The following CAV1 variants were observed in gnomAD, a reference collection of about 807,000 sequenced individuals.
CAV1 encodes caveolin-1.
A neutral mutation model predicts 16.5 loss-of-function variants in CAV1; 10 were observed. The ratio of observed to expected loss-of-function variants is 0.61; its 90% CI spans 0.37 to 1.03. The LOEUF is 1.03. CAV1 is among the 50% of genes least tolerant of loss of function. The probability of loss-of-function intolerance (pLI) is 0.01; values close to 1 mark genes in which losing one functional copy is unlikely to be tolerated. For missense variants in CAV1, 212 were observed against 232.8 expected, an observed-to-expected ratio of 0.91 and a Z score of 0.58; for synonymous variants, 76 against 85.1, an observed-to-expected ratio of 0.89 and a Z score of 0.59.
intron 2 of CAV1, among the ~76,000 whole-genome samples, chr7:116,531,315 A>G (rs1248720019): frequency 6.6e-6 from 1 of 152,224 alleles, no homozygotes; most frequent in Non-Finnish European, 1.5e-5. Context: ...GTCTTTGTTG[A>G]AAAACAGAAA....
At chr7:116,549,196 C>G (rs1157830806) in intron 2 of CAV1, among the ~76,000 whole-genome samples, 3 of 152,194 alleles carry the variant, frequency 2.0e-5, no homozygotes, top group Non-Finnish European at 4.4e-5. Context: ...TCGCCTGTCC[C>G]TTCCCCAGCA....
At chr7:116,541,051 GA>G (rs1265026431) in intron 2 of CAV1, among the ~76,000 whole-genome samples, 1 of 152,136 alleles carries the variant, frequency 6.6e-6, no homozygotes, top group Non-Finnish European at 1.5e-5. Flanking sequence ...AATTGTTCCA[GA>G]AAATTAAGCA....
At position 116,555,448 on chromosome 7, in the gene CAV1, A is replaced by AAAGG. The variant is rs113043378; in HGVS notation, c.196-3472_196-3469dup. 4.1e-3 allele frequency among the ~76,000 whole-genome samples: 152 copies of AAAGG among 37,404 alleles called. 24 individuals carry two copies. Among genetic ancestry groups the AAAGG allele is most frequent in the African/African-American group, 0.012 (131 of 11,032 alleles). The allele number at this position is 37,404 out of a possible 152,430, so 24.5% of individuals were successfully genotyped here. A position where few individuals can be genotyped will look rare whatever the true frequency, so the allele number is the denominator to read the frequency against. On this transcript the variant is annotated intron_variant, in intron 2 of 2. Transcript: ENST00000341049. ...AGCAAGAACCTGTCTCCAAAAAAAGAAAGGAAGGAAGGAAGGAAGGAAGGA... is the reference window on the plus strand; with the variant it reads ...AGCAAGAACCTGTCTCCAAAAAAAGAAAGGAAGGAAGGAAGGAAGGAAGGAAGGA...
chr7:116,543,723 C>T (rs1261734411), intron 2 of CAV1, among the ~76,000 whole-genome samples: 1 of 152,230 alleles, frequency 6.6e-6, no homozygotes, highest in East Asian at 1.9e-4. Context: ...AGAGCAGTGG[C>T]CTTAAGAAGG....
At chr7:116,542,784 A>C (rs1793966288) in intron 2 of CAV1, 2 of 152,220 alleles carry the variant, frequency 1.3e-5, no homozygotes, top group African/African-American at 4.8e-5. Flanking sequence ...AGCCAGTTAG[A>C]ACACCAGAGT....
intron 2 of CAV1, among the ~76,000 whole-genome samples, chr7:116,529,800 A>G (rs1793645987): frequency 6.6e-6 from 1 of 152,184 alleles, no homozygotes. Context: ...AAATATAGAC[A>G]TTTACCCAAA....
rs537082377 is a variant in CAV1 at position 116,526,368 on chromosome 7, G to C, written c.31-157G>C. ...CTACGCGCAGGCGGTTTCTGTGCAC[G>C]GAGCCGTAGCTGTCGGAGCGGTTAG... On this transcript the variant is annotated intron_variant, in intron 1 of 2. Transcript: ENST00000341049. 442 of 1,507,784 alleles carry C rather than the reference G, an allele frequency of 2.9e-4. 1 individual carries two copies. The South Asian group carries it at 3.0e-3, about 10-fold the overall frequency. 93.4% of individuals were successfully genotyped at this position (1,507,784 alleles called of 1,614,324 possible).
chr7:116,545,121 G>A (rs1794014564), intron 2 of CAV1, among the ~76,000 whole-genome samples: 1 of 152,208 alleles, frequency 6.6e-6, no homozygotes, highest in African/African-American at 2.4e-5. Context: ...ATTTTCTAGA[G>A]TGGTAGTTCT....
Position 116,561,103 on chromosome 7 carries a change from A to G in CAV1, c.*1816A>G, listed in dbSNP as rs1051922020. On this transcript the variant is annotated 3_prime_UTR_variant, in exon 3 of 3. Transcript: ENST00000341049. ...TTGCTGAAATTTTATATGCTTACTG[A>G]TATATTTTACAATTTTTTATCATGC... 1.3e-5 allele frequency: 2 copies of G among 152,566 alleles called. No individual in the cohort carries two copies. Among genetic ancestry groups the G allele is most frequent in the Admixed American group, 6.6e-5 (1 of 15,264 alleles). 9.5% of individuals were successfully genotyped at this position (152,566 alleles called of 1,614,324 possible). A position where few individuals can be genotyped will look rare whatever the true frequency, so the allele number is the denominator to read the frequency against.
At chr7:116,540,497 A>G (rs1793913200) in intron 2 of CAV1, among the ~76,000 whole-genome samples, 1 of 152,238 alleles carries the variant, frequency 6.6e-6, no homozygotes, top group Admixed American at 6.5e-5. Context: ...ACTAGGAAGT[A>G]GCCATCAAAA....
At chr7:116,526,764 C>A in intron 2 of CAV1, 75 bp downstream of exon 2, 1 of 1,550,968 alleles carries the variant, frequency 6.4e-7, no homozygotes, top group Non-Finnish European at 8.8e-7. Flanking sequence ...CCTTCTTTAG[C>A]ATTGCCGTGT....
chr7:116,552,574 G>A (rs1036024633), intron 2 of CAV1, among the ~76,000 whole-genome samples: 7 of 152,202 alleles, frequency 4.6e-5, no homozygotes, highest in Non-Finnish European at 8.8e-5. Context: ...TGCTTCAGTA[G>A]CTTGATAATG....
At chr7:116,543,113 A>G (rs1248599023) in intron 2 of CAV1, 1 of 152,188 alleles carries the variant, frequency 6.6e-6, no homozygotes, top group Non-Finnish European at 1.5e-5. Flanking sequence ...GGCCTTGGAA[A>G]AGGCACTTAC....
intron 2 of CAV1, among the ~76,000 whole-genome samples, chr7:116,537,737 G>C (rs770090082): frequency 3.7e-4 from 56 of 152,156 alleles, no homozygotes; most frequent in Non-Finnish European, 6.9e-4. Flanking sequence ...GGGAGTGACA[G>C]GTCTGAGCTT....
At chr7:116,525,630 G>T (rs940832561) in intron 1 of CAV1, 1 of 1,125,792 alleles carries the variant, frequency 8.9e-7, no homozygotes, top group Non-Finnish European at 1.1e-6. Context: ...TCTGGCAGGG[G>T]TGTTCCGAGA....
intron 2 of CAV1, among the ~76,000 whole-genome samples, chr7:116,528,019 T>A (rs1793604070): frequency 1.2e-5 from 1 of 85,828 alleles, no homozygotes; most frequent in African/African-American, 3.3e-5. Flanking sequence ...AAAATAGAAT[T>A]GCTAAAAAAC....
intron 2 of CAV1, among the ~76,000 whole-genome samples, chr7:116,527,346 C>T (rs1438006437): frequency 6.6e-6 from 1 of 152,224 alleles, no homozygotes; most frequent in African/African-American, 2.4e-5. Flanking sequence ...TTGGTTTCTT[C>T]TATCTATGGA....
At chr7:116,544,231 C>T (rs996896636) in intron 2 of CAV1, among the ~76,000 whole-genome samples, 2 of 152,180 alleles carry the variant, frequency 1.3e-5, no homozygotes, top group Non-Finnish European at 2.9e-5. Flanking sequence ...TAAATTCAAT[C>T]AATGAATGCA....
intron 2 of CAV1, among the ~76,000 whole-genome samples, chr7:116,536,229 G>C (rs1793810839): frequency 6.6e-6 from 1 of 152,104 alleles, no homozygotes; most frequent in African/African-American, 2.4e-5. Flanking sequence ...CCTGCCACTT[G>C]CTCCATTATG....
Sources: gnomAD v4.1 joint callset for allele counts (sites outside exome capture counted in the v4.1 genomes callset) on GRCh38, gnomAD v4.1.1 for gene constraint, MANE v1.5 for transcripts, NCBI Gene and HGNC (gene_info 2026-07-23, HGNC 2026-07-21) for gene names.